Variants in PLEKHA5 observed in about 807,000 individuals in gnomAD.
PLEKHA5 encodes the protein pleckstrin homology domain-containing family A member 5.
Under a neutral mutation model 181.9 loss-of-function variants are expected in PLEKHA5, and 55 were observed. That is an observed-to-expected ratio of 0.30 (90% CI 0.24 to 0.38). The LOEUF (loss-of-function observed/expected upper bound fraction) is 0.38, where lower values mean the gene tolerates loss of function less well. Ranked by LOEUF, PLEKHA5 falls within the 10% of genes least tolerant of loss-of-function variation. The probability of loss-of-function intolerance (pLI) is 1.00; values close to 1 mark genes in which losing one functional copy is unlikely to be tolerated. For missense variants in PLEKHA5, 1,432 were observed against 1,549.5 expected, an observed-to-expected ratio of 0.92 and a Z score of 1.27; for synonymous variants, 535 against 529.4, an observed-to-expected ratio of 1.01 and a Z score of -0.15.
intron 21 of PLEKHA5, among the ~76,000 whole-genome samples, chr12:19,339,385 A>G (rs12816357): frequency 0.091 from 13,887 of 152,184 alleles, 684 homozygotes; most frequent in Middle Eastern, 0.18. Context: ...CTCACAGGCC[A>G]TACCAAAAGA....
intron 20 of PLEKHA5, among the ~76,000 whole-genome samples, chr12:19,327,035 A>T (rs2092222867): frequency 6.6e-6 from 1 of 152,184 alleles, no homozygotes; most frequent in African/African-American, 2.4e-5. Flanking sequence ...ATGCAAGTGC[A>T]TGTGTATGTT....
chr12:19,341,735 C>CT (rs200584042), intron 21 of PLEKHA5, among the ~76,000 whole-genome samples: 2 of 148,926 alleles, frequency 1.3e-5, no homozygotes, highest in East Asian at 2.0e-4. Flanking sequence ...AAACATATTG[C>CT]TTTTTTTTTC....
chr12:19,280,849 T>A (rs1221012216), intron 11 of PLEKHA5, among the ~76,000 whole-genome samples: 1 of 151,938 alleles, frequency 6.6e-6, no homozygotes. Flanking sequence ...TAGCTGGAAC[T>A]ACAGGCGTGC....
chr12:19,266,302 TAAAACAAAAC>T (rs1326504659), intron 8 of PLEKHA5, among the ~76,000 whole-genome samples: 1 of 149,172 alleles, frequency 6.7e-6, no homozygotes, highest in South Asian at 2.1e-4. Context: ...ACCCTGTCTC[TAAAACAAAAC>T]AAAACAAAAC....
intron 3 of PLEKHA5, among the ~76,000 whole-genome samples, chr12:19,186,138 C>G (rs1022446644): frequency 3.3e-5 from 5 of 152,092 alleles, no homozygotes; most frequent in African/African-American, 9.7e-5. Context: ...GTCCCTGGCT[C>G]TAGCTTAGTT....
At position 19,354,143 on chromosome 12, in the gene PLEKHA5, CTTTTTTTTTT is replaced by C. The variant is rs750923063; in HGVS notation, c.3138+158_3138+167del. 25 of 74,880 alleles carry C rather than the reference CTTTTTTTTTT, an allele frequency of 3.3e-4. 1 individual carries two copies. Among genetic ancestry groups the C allele is most frequent in the Admixed American group, 8.5e-4 (3 of 3,514 alleles). The allele number at this position is 74,880 out of a possible 1,614,324, so 4.6% of individuals were successfully genotyped here. A position where few individuals can be genotyped will look rare whatever the true frequency, so the allele number is the denominator to read the frequency against. On this transcript the variant is annotated intron_variant, in intron 26 of 31. Coordinates refer to ENST00000429027, the MANE Select transcript of PLEKHA5 (RefSeq NM_001256470.2). The stretch of plus-strand genomic sequence containing the variant: ...TTAGTAATCTTAGTTATTCTTTATT[CTTTTTTTTTT>C]TTTTTTTTTTTTTTTTGAGACGGAG...
At chr12:19,314,451 A>G (rs1051442703) in intron 15 of PLEKHA5, among the ~76,000 whole-genome samples, 2 of 152,136 alleles carry the variant, frequency 1.3e-5, no homozygotes, top group Non-Finnish European at 2.9e-5. Flanking sequence ...ATCAAATTGT[A>G]CCATTTTTCT....
chr12:19,159,386 A>G (rs548258370), intron 3 of PLEKHA5, among the ~76,000 whole-genome samples: 14 of 152,300 alleles, frequency 9.2e-5, no homozygotes, highest in African/African-American at 3.1e-4. Flanking sequence ...ATAGTCTTAA[A>G]TATTTTTAAA....
chr12:19,171,281 C>A (rs184217807), intron 3 of PLEKHA5, among the ~76,000 whole-genome samples: 2 of 152,216 alleles, frequency 1.3e-5, no homozygotes, highest in East Asian at 3.9e-4. Flanking sequence ...GATGAAAGGA[C>A]TGAGGAAGAT....
At chr12:19,246,007 C>G (rs531793294) in intron 3 of PLEKHA5, among the ~76,000 whole-genome samples, 169 of 145,040 alleles carry the variant, frequency 1.2e-3, no homozygotes, top group African/African-American at 4.1e-3. Flanking sequence ...TTGACAGAGT[C>G]TCACTCTGTC....
intron 3 of PLEKHA5, among the ~76,000 whole-genome samples, chr12:19,158,209 C>T (rs771443219): frequency 5.9e-5 from 9 of 152,008 alleles, no homozygotes; most frequent in East Asian, 1.9e-4. Flanking sequence ...AAAAATTAGC[C>T]GGGCGTGGTG....
Position 19,274,802 on chromosome 12 carries a change from A to G in PLEKHA5, c.1132A>G (p.Ser378Gly). Residue 378 changes from serine to glycine, a missense_variant, in exon 11 of 32, where the codon AGC becomes GGC. Physicochemically the swap from Ser to Gly is moderately conservative, Grantham distance 56. Transcript: ENST00000429027. Reference protein sequence around the residue: ...QTVHYRPINLSSSENKIVNVS... With the variant: ...QTVHYRPINLGSSENKIVNVS... ...TGTGCACTACAGACCAATCAACTTGAGCAGTTCAGAGAACAAAATAGTCAA... is the reference window on the plus strand; with the variant it reads ...TGTGCACTACAGACCAATCAACTTGGGCAGTTCAGAGAACAAAATAGTCAA... 6.2e-7 allele frequency: 1 copy of G among 1,614,212 alleles called. No homozygotes were observed.
chr12:19,340,435 A>AG (rs2093792426), intron 21 of PLEKHA5, among the ~76,000 whole-genome samples: 1 of 48,642 alleles, frequency 2.1e-5, no homozygotes, highest in Non-Finnish European at 7.4e-5. Flanking sequence ...CCCGGCCACC[A>AG]CCCCGTCTGG....
intron 29 of PLEKHA5, among the ~76,000 whole-genome samples, chr12:19,362,167 C>CAAAA (rs33984774): frequency 9.7e-5 from 6 of 61,628 alleles, no homozygotes; most frequent in African/African-American, 3.1e-4. Flanking sequence ...GACTCTGTCT[C>CAAAA]AAAAAAAAAA....
At chr12:19,275,691 C>T (rs913506605) in intron 11 of PLEKHA5, among the ~76,000 whole-genome samples, 3 of 152,044 alleles carry the variant, frequency 2.0e-5, no homozygotes, top group Non-Finnish European at 2.9e-5. Flanking sequence ...TTGCTTGAGC[C>T]CAGGAGTTGG....
At chr12:19,202,003 A>G in intron 3 of PLEKHA5, 1 of 969,568 alleles carries the variant, frequency 1.0e-6, no homozygotes, top group Non-Finnish European at 1.2e-6. Context: ...AGTTAGTACC[A>G]CTTGCCTTGG....
At chr12:19,232,324 A>G (rs973294252) in intron 3 of PLEKHA5, among the ~76,000 whole-genome samples, 3 of 150,912 alleles carry the variant, frequency 2.0e-5, no homozygotes, top group African/African-American at 4.9e-5. Flanking sequence ...CTGAGAAGGT[A>G]ACATTTGAGC....
At chr12:19,301,656 A>G (rs774319242) in intron 15 of PLEKHA5, among the ~76,000 whole-genome samples, 15 of 152,354 alleles carry the variant, frequency 9.8e-5, no homozygotes, top group Middle Eastern at 3.4e-3. Flanking sequence ...AAGTCTAGCT[A>G]TATCTTTAAA....
At chr12:19,363,327 T>A (rs910323508) in intron 29 of PLEKHA5, among the ~76,000 whole-genome samples, 1 of 151,178 alleles carries the variant, frequency 6.6e-6, no homozygotes, top group African/African-American at 2.4e-5. Flanking sequence ...AATTTTTATT[T>A]TTTTATTTTT....
Sources: gnomAD v4.1 joint callset for allele counts (sites outside exome capture counted in the v4.1 genomes callset) on GRCh38, gnomAD v4.1.1 for gene constraint, MANE v1.5 for transcripts, NCBI Gene and HGNC (gene_info 2026-07-23, HGNC 2026-07-21) for gene names.